Variants in PKHD1 observed in about 807,000 individuals in gnomAD.
The protein encoded by PKHD1 is PKHD1 ciliary IPT domain containing fibrocystin/polyductin, also known as fibrocystin.
Under a neutral mutation model 412.0 loss-of-function variants are expected in PKHD1, and 291 were observed. The ratio of observed to expected loss-of-function variants is 0.71; its 90% CI spans 0.64 to 0.78. The LOEUF (loss-of-function observed/expected upper bound fraction) is 0.78, where lower values mean the gene tolerates loss of function less well. PKHD1 is among the 30% of genes least tolerant of loss of function. PKHD1 has a pLI of 0.00. For missense variants in PKHD1, 4,825 were observed against 4,950.7 expected, an observed-to-expected ratio of 0.97 and a Z score of 0.76; for synonymous variants, 1,777 against 1,821.5, an observed-to-expected ratio of 0.98 and a Z score of 0.62.
chr6:52,024,974 G>T lies in PKHD1; in HGVS notation c.4836C>A (p.Thr1612=), dbSNP rs1453874168. The T allele has an allele frequency of 6.2e-7, 1 of 1,614,208 alleles. No individual in the cohort carries two copies. The highest frequency in any genetic ancestry group is 1.1e-5 in the South Asian group (1 of 91,084). Residue 1612 remains threonine, a synonymous_variant, in exon 32 of 67, where the codon ACC becomes ACA. Transcript: ENST00000371117. Reference sequence around the variant, plus strand: ...CAGCACCGATGTTCACCGTCAGGCAGGTCTGCTGGTCAATATAGACTGACG... The same window carrying T: ...CAGCACCGATGTTCACCGTCAGGCATGTCTGCTGGTCAATATAGACTGACG... ...NTTSVYIDQQ[T]CLTVNIGAEL... is the part of the protein sequence containing the mutation.
chr6:52,058,178 A>T (rs902642461), intron 16 of PKHD1, 145 bp downstream of exon 16: 1 of 746,576 alleles, frequency 1.3e-6, no homozygotes, highest in African/African-American at 1.7e-5. Flanking sequence ...ACATCTTCAC[A>T]ATGCTGTTAA....
chr6:52,045,498 A>T (rs1805656807), intron 24 of PKHD1, among the ~76,000 whole-genome samples: 1 of 152,188 alleles, frequency 6.6e-6, no homozygotes, highest in Admixed American at 6.5e-5. Flanking sequence ...AAACCAGATA[A>T]CCCACAACAC....
intron 52 of PKHD1, among the ~76,000 whole-genome samples, chr6:51,819,541 T>C (rs1270615840): frequency 2.6e-5 from 4 of 152,100 alleles, no homozygotes; most frequent in African/African-American, 4.8e-5. Flanking sequence ...TCTGAATGTT[T>C]CCTATAGCAC....
intron 60 of PKHD1, among the ~76,000 whole-genome samples, chr6:51,682,447 G>A (rs574777506): frequency 3.8e-4 from 57 of 151,904 alleles, no homozygotes; most frequent in Non-Finnish European, 7.5e-4. Context: ...GACATACTGC[G>A]CACAGATTAC....
At chr6:52,063,110 T>A (rs1200033631) in intron 13 of PKHD1, among the ~76,000 whole-genome samples, 1 of 152,220 alleles carries the variant, frequency 6.6e-6, no homozygotes, top group African/African-American at 2.4e-5. Flanking sequence ...ACATTGGCAA[T>A]CCTTAAGTTT....
intron 22 of PKHD1, among the ~76,000 whole-genome samples, chr6:52,049,224 A>G (rs1806361558): frequency 2.0e-5 from 3 of 152,244 alleles, no homozygotes. Context: ...TATATGGTAT[A>G]GCCTGTTGCT....
intron 57 of PKHD1, among the ~76,000 whole-genome samples, chr6:51,750,341 C>T (rs79502165): frequency 3.2e-4 from 49 of 152,262 alleles, no homozygotes; most frequent in Non-Finnish European, 6.5e-4. Flanking sequence ...AAACCTGCTT[C>T]GTAGAACTTT....
intron 48 of PKHD1, among the ~76,000 whole-genome samples, chr6:51,867,224 A>G (rs1264832881): frequency 6.6e-6 from 1 of 152,196 alleles, no homozygotes; most frequent in African/African-American, 2.4e-5. Flanking sequence ...AGAACCCTAG[A>G]CATTCAGCAA....
In PKHD1 at chr6:51,927,079, G is replaced by A. The variant is rs1785756476; in HGVS notation, c.6121+7031C>T. ...TCATTTAAATTTAAGAGTAGAAAAAGGAATAAATACTTTTTTAATTTTCCT... is the reference window on the plus strand; with the variant it reads ...TCATTTAAATTTAAGAGTAGAAAAAAGAATAAATACTTTTTTAATTTTCCT... On this transcript the variant is annotated intron_variant, in intron 37 of 66. Coordinates refer to ENST00000371117, the MANE Select transcript of PKHD1 (RefSeq NM_138694.4). 1.3e-5 allele frequency among the ~76,000 whole-genome samples: 2 copies of A among 152,072 alleles called. 1 individual carries two copies. Among genetic ancestry groups the A allele is most frequent in the South Asian group, 4.2e-4 (2 of 4,806 alleles).
intron 35 of PKHD1, among the ~76,000 whole-genome samples, chr6:51,970,918 G>T (rs1299722595): frequency 6.6e-6 from 1 of 152,174 alleles, no homozygotes; most frequent in African/African-American, 2.4e-5. Flanking sequence ...GCTTAGGATT[G>T]CTTTGGCTAG....
chr6:51,762,430 T>A (rs1475411601), intron 55 of PKHD1, among the ~76,000 whole-genome samples: 1 of 152,046 alleles, frequency 6.6e-6, no homozygotes, highest in African/African-American at 2.4e-5. Flanking sequence ...ACAATCCAAA[T>A]AAAACCTCAA....
chr6:51,864,328 A>AAGATC (rs1562490028), intron 48 of PKHD1, among the ~76,000 whole-genome samples: 1 of 152,204 alleles, frequency 6.6e-6, no homozygotes, highest in African/African-American at 2.4e-5. Flanking sequence ...AATGGATGGC[A>AAGATC]AGATCAGATC....
At chr6:52,082,599 T>C in intron 3 of PKHD1, 57 bp from the exon 4 acceptor site, 1 of 1,548,932 alleles carries the variant, frequency 6.5e-7, no homozygotes, top group African/African-American at 1.4e-5. Context: ...CACAGGACAG[T>C]GTGAAACTGT....
intron 60 of PKHD1, among the ~76,000 whole-genome samples, chr6:51,674,326 A>G (rs1290002515): frequency 1.3e-5 from 2 of 152,314 alleles, no homozygotes; most frequent in Non-Finnish European, 2.9e-5. Context: ...AGGCCAGGAT[A>G]GAGATTAGAA....
chr6:51,643,858 C>A (rs184363260), intron 63 of PKHD1, among the ~76,000 whole-genome samples: 2 of 151,754 alleles, frequency 1.3e-5, no homozygotes, highest in Admixed American at 6.6e-5. Flanking sequence ...AGTCCTCCCC[C>A]CAATCTCTGA....
Position 51,906,230 on chromosome 6 carries a change from G to A in PKHD1, c.6793C>T (p.His2265Tyr), listed in dbSNP as rs773880430. 38 of 1,611,720 alleles carry A rather than the reference G, an allele frequency of 2.4e-5. No homozygotes were observed. The highest frequency in any genetic ancestry group is 3.1e-5 in the Non-Finnish European group (36 of 1,178,236). The change falls in exon 41 of 67, where the codon CAT becomes TAT. Residue 2265 changes from histidine to tyrosine, a missense_variant. His to Tyr is a moderately conservative substitution (Grantham distance 83). Transcript: ENST00000371117. ...TTTTACTTACCAACTAGCAGCGCAT[G>A]ACCTAAAATATTGTAGAATACATTA... ...DSNVFYNILG[H>Y]ALLVGTCTEM...
At chr6:51,810,696 C>T (rs1764560073) in intron 52 of PKHD1, among the ~76,000 whole-genome samples, 1 of 152,118 alleles carries the variant, frequency 6.6e-6, no homozygotes, top group African/African-American at 2.4e-5. Flanking sequence ...CTTGGACAGT[C>T]TGAATATTTA....
intron 43 of PKHD1, among the ~76,000 whole-genome samples, chr6:51,900,189 CA>C (rs1181977875): frequency 2.6e-5 from 4 of 152,008 alleles, no homozygotes; most frequent in African/African-American, 4.8e-5. Context: ...CATATGGAAC[CA>C]AAAAAAGAGC....
intron 4 of PKHD1, 77 bp from the exon 5 acceptor site, chr6:52,080,085 A>G (rs1470229251): frequency 1.2e-6 from 1 of 846,330 alleles, no homozygotes; most frequent in Non-Finnish European, 2.1e-6. Context: ...TGCCACTTCA[A>G]ATTTCCTCCT....
Sources: gnomAD v4.1 joint callset for allele counts (sites outside exome capture counted in the v4.1 genomes callset) on GRCh38, gnomAD v4.1.1 for gene constraint, MANE v1.5 for transcripts, NCBI Gene and HGNC (gene_info 2026-07-23, HGNC 2026-07-21) for gene names.